PLXNA2: variants seen among roughly 807,000 people sequenced by gnomAD.
PLXNA2 encodes plexin A2, also known as plexin-A2.
A neutral mutation model predicts 193.5 loss-of-function variants in PLXNA2; 91 were observed. The ratio of observed to expected loss-of-function variants is 0.47; its 90% confidence interval spans 0.40 to 0.56. The LOEUF is 0.56. Ranked by LOEUF, PLXNA2 falls within the 20% of genes least tolerant of loss-of-function variation. The pLI is 0.00. For synonymous variants in PLXNA2, 997 were observed against 1,027.3 expected (o/e 0.97, Z 0.56); for missense variants, 1,995 against 2,503.2 (o/e 0.80, Z 4.33).
chr1:208,084,640 G>T, intron 9 of PLXNA2, 60 bp from the exon 10 acceptor site: 7 of 1,495,880 alleles, frequency 4.7e-6, no homozygotes, highest in East Asian at 2.3e-5. Flanking sequence ...TATGTGCCTG[G>T]GACAGGCAGG....
At position 208,124,145 on chromosome 1, in the gene PLXNA2, C is replaced by G. The variant is rs113817458; in HGVS notation, c.1506+18184G>C. Among the ~76,000 whole-genome samples, 337 of 128,508 alleles carry G rather than the reference C, an allele frequency of 2.6e-3. 1 individual carries two copies. The highest frequency in any genetic ancestry group is 3.7e-3 in the Non-Finnish European group (208 of 56,960). The allele number at this position is 128,508 out of a possible 152,430, so 84.3% of individuals were successfully genotyped here. ...GAAAACCAAGTATCACACGTTCTCA[C>G]TTACAAGTGGGAGCTAAATGAAGGG... On this transcript the variant is annotated intron_variant, in intron 4 of 31. Coordinates refer to ENST00000367033, the MANE Select transcript of PLXNA2 (RefSeq NM_025179.4).
chr1:208,173,276 T>G (rs1240057581), intron 3 of PLXNA2, among the ~76,000 whole-genome samples: 3 of 152,248 alleles, frequency 2.0e-5, no homozygotes, highest in Non-Finnish European at 2.9e-5. Flanking sequence ...ATGCCTTTAC[T>G]GCCATATCGA....
intron 3 of PLXNA2, chr1:208,209,983 A>AATT (rs34413554): frequency 0.029 from 2,584 of 87,880 alleles, 305 homozygotes; most frequent in African/African-American, 0.091. Context: ...ATGAAGAGCA[A>AATT]TTTTTTTTTT....
At chr1:208,161,990 C>A (rs1457788230) in intron 3 of PLXNA2, among the ~76,000 whole-genome samples, 1 of 152,230 alleles carries the variant, frequency 6.6e-6, no homozygotes, top group South Asian at 2.1e-4. Flanking sequence ...AGAGGGGGAG[C>A]AGGAGCCAGC....
chr1:208,065,294 C>T (rs569164969), intron 12 of PLXNA2, among the ~76,000 whole-genome samples: 1 of 152,342 alleles, frequency 6.6e-6, no homozygotes, highest in Non-Finnish European at 1.5e-5. Flanking sequence ...CCATCTGATG[C>T]TGGGACAGTG....
rs142394828 is a variant in PLXNA2, at chr1:208,091,355, G to A, written c.2097+1431C>T. Reference sequence around the variant, plus strand: ...TTTAGCCATGGAAGCAACCAGCACTGCTATCAAGATTAGAAGACACAAGAC... The same window carrying A: ...TTTAGCCATGGAAGCAACCAGCACTACTATCAAGATTAGAAGACACAAGAC... On this transcript the variant is annotated intron_variant, in intron 9 of 31. Transcript: ENST00000367033. Among the ~76,000 whole-genome samples, 1,232 of 152,278 alleles carry A rather than the reference G, an allele frequency of 8.1e-3. 13 individuals are homozygous for A. Among genetic ancestry groups the A allele is most frequent in the Non-Finnish European group, 0.012 (811 of 68,002 alleles).
intron 28 of PLXNA2, chr1:208,032,096 C>A: frequency 1.0e-6 from 1 of 985,412 alleles, no homozygotes; most frequent in Non-Finnish European, 1.2e-6. Flanking sequence ...AGGCTGCAAG[C>A]CAGTCCGGAA....
chr1:208,178,374 G>C (rs1450802168), intron 3 of PLXNA2, among the ~76,000 whole-genome samples: 2 of 152,232 alleles, frequency 1.3e-5, no homozygotes, highest in African/African-American at 2.4e-5. Flanking sequence ...GGAACAGGTG[G>C]GGAAGAATGA....
chr1:208,205,666 C>T (rs776833963), intron 3 of PLXNA2, among the ~76,000 whole-genome samples: 72 of 152,318 alleles, frequency 4.7e-4, no homozygotes, highest in Admixed American at 1.4e-3. Context: ...GCAGGAATCC[C>T]CTTGACAGCA....
intron 3 of PLXNA2, among the ~76,000 whole-genome samples, chr1:208,186,914 G>T (rs1241839720): frequency 6.6e-6 from 1 of 150,608 alleles, no homozygotes; most frequent in East Asian, 2.0e-4. Flanking sequence ...GTAGAGACGG[G>T]GTTTCACCTT....
chr1:208,234,162 C>T (rs1023802314), intron 1 of PLXNA2, among the ~76,000 whole-genome samples: 3 of 152,010 alleles, frequency 2.0e-5, no homozygotes, highest in Admixed American at 6.5e-5. Context: ...AACAAATATC[C>T]TAGCAATTGG....
intron 4 of PLXNA2, among the ~76,000 whole-genome samples, chr1:208,107,899 C>T (rs563962428): frequency 6.6e-6 from 1 of 152,036 alleles, no homozygotes; most frequent in Non-Finnish European, 1.5e-5. Context: ...AACTGGATTC[C>T]ACCCTCATGC....
intron 12 of PLXNA2, among the ~76,000 whole-genome samples, chr1:208,068,665 G>A (rs903452448): frequency 6.6e-6 from 1 of 152,202 alleles, no homozygotes; most frequent in African/African-American, 2.4e-5. Context: ...GAGGGCCTGC[G>A]AAGATGACTT....
Position 208,034,609 on chromosome 1 carries a change from AG to A in PLXNA2, c.4765-18del. The A allele has an allele frequency of 6.6e-7, 1 of 1,524,290 alleles. No individual in the cohort carries two copies. The highest frequency in any genetic ancestry group is 9.1e-7 in the Non-Finnish European group (1 of 1,097,976). 94.4% of individuals were successfully genotyped at this position (1,524,290 alleles called of 1,614,324 possible). A position where few individuals can be genotyped will look rare whatever the true frequency, so the allele number is the denominator to read the frequency against. The stretch of plus-strand genomic sequence containing the variant: ...GTCTGACACCTGAGAAGGGTACAAA[AG>A]GTACAGTACAAAAGGTGAATGTAGG... On this transcript the variant is annotated intron_variant, in intron 26 of 31. Transcript: ENST00000367033.
rs772187093 is a variant in PLXNA2, at chr1:208,029,538, C to G, written c.5226-496G>C. 185 of 995,648 alleles carry G rather than the reference C, an allele frequency of 1.9e-4. No individual in the cohort carries two copies. The Middle Eastern group carries it at 2.6e-3, about 14-fold the overall frequency. 61.7% of individuals were successfully genotyped at this position (995,648 alleles called of 1,614,324 possible). A position where few individuals can be genotyped will look rare whatever the true frequency, so the allele number is the denominator to read the frequency against. Reference sequence around the variant, plus strand: ...CCCAGCCCGGCTGCCCAAGCTACTTCCCAGGGCTGGCCTGGCCTGGCTGGG... The same window carrying G: ...CCCAGCCCGGCTGCCCAAGCTACTTGCCAGGGCTGGCCTGGCCTGGCTGGG... On this transcript the variant is annotated intron_variant, in intron 29 of 31. Transcript: ENST00000367033.
intron 3 of PLXNA2, among the ~76,000 whole-genome samples, chr1:208,201,973 A>ATTTT (rs59313982): frequency 1.2e-4 from 16 of 132,620 alleles, no homozygotes; most frequent in Non-Finnish European, 1.1e-4. Flanking sequence ...CAGGGCAAGA[A>ATTTT]TTTTTTTTTT....
At chr1:208,079,921 C>T (rs556074571) in intron 11 of PLXNA2, among the ~76,000 whole-genome samples, 42 of 152,308 alleles carry the variant, frequency 2.8e-4, no homozygotes, top group African/African-American at 9.9e-4. Context: ...GCTGCCATCT[C>T]TCTTATTCTC....
chr1:208,107,830 T>A (rs1335655166), intron 4 of PLXNA2, among the ~76,000 whole-genome samples: 1 of 152,068 alleles, frequency 6.6e-6, no homozygotes, highest in Non-Finnish European at 1.5e-5. Flanking sequence ...AATTATACAA[T>A]GGGAGGCCCT....
At chr1:208,193,350 G>A (rs139867594) in intron 3 of PLXNA2, among the ~76,000 whole-genome samples, 14 of 152,302 alleles carry the variant, frequency 9.2e-5, no homozygotes, top group African/African-American at 2.9e-4. Context: ...TTCCATACTC[G>A]TGTAATGCTA....
Sources: gnomAD v4.1 joint callset for allele counts (sites outside exome capture counted in the v4.1 genomes callset) on GRCh38, gnomAD v4.1.1 for gene constraint, MANE v1.5 for transcripts, NCBI Gene and HGNC (gene_info 2026-07-23, HGNC 2026-07-21) for gene names.